ZFP14: variants seen among roughly 807,000 people sequenced by gnomAD.
ZFP14 encodes the protein ZFP14 zinc finger protein, also known as zinc finger protein 14 homolog.
In ZFP14, 22 loss-of-function variants were observed where a neutral mutation model predicts 54.5. The ratio of observed to expected loss-of-function variants is 0.40; its 90% CI spans 0.29 to 0.58. The LOEUF (loss-of-function observed/expected upper bound fraction) is 0.58, where lower values mean the gene tolerates loss of function less well. Among genes scored for constraint, ZFP14 ranks in the 20% least tolerant of loss-of-function variants. The pLI, the probability that ZFP14 is intolerant of heterozygous loss-of-function variation, is 0.39. For synonymous variants in ZFP14, 159 were observed against 204.0 expected (o/e 0.78, Z 1.88); for missense variants, 470 against 637.8 (o/e 0.74, Z 2.83).
chr19:36,354,370 CAAAA>C (rs58651628), intron 4 of ZFP14, among the ~76,000 whole-genome samples: 1 of 99,008 alleles, frequency 1.0e-5, no homozygotes, highest in African/African-American at 3.6e-5. Flanking sequence ...GATTCCATCT[CAAAA>C]AAAAAAAAAA....
chr19:36,349,258 A>AC (rs2031480404), intron 4 of ZFP14, among the ~76,000 whole-genome samples: 1 of 97,274 alleles, frequency 1.0e-5, no homozygotes, highest in Non-Finnish European at 2.1e-5. Flanking sequence ...AAAAAAAAAC[A>AC]AAAAAAAAAA....
rs762600339 is a variant in ZFP14 at position 36,362,143 on chromosome 19, C to T, written c.105G>A (p.Met35Ile). Residue 35 changes from methionine to isoleucine, a missense_variant, in exon 3 of 5, where the codon ATG becomes ATA. By Grantham distance (10) the Met-to-Ile change is conservative. Transcript: ENST00000270001. ...AAATGAAGTTGCTGTAGTTCTCCCA[C>T]ATTACATCCCTATATAAGTCCCTCT... ...PAQRDLYRDV[M>I]WENYSNFISL... The T allele has an allele frequency of 6.2e-7, 1 of 1,609,220 alleles. No homozygotes were observed. The highest frequency in any genetic ancestry group is 1.7e-5 in the Admixed American group (1 of 59,248).
intron 4 of ZFP14, among the ~76,000 whole-genome samples, chr19:36,349,679 A>AT (rs201037590): frequency 1.1e-3 from 134 of 126,852 alleles, no homozygotes; most frequent in Middle Eastern, 4.3e-3. Flanking sequence ...AACAAAAAAA[A>AT]AATATATATA....
rs1490860841 is a variant in ZFP14 at position 36,340,678 on chromosome 19, AGTT to A, written c.1145_1147del (p.Gln382del). On this transcript the variant is annotated inframe_deletion, in exon 5 of 5. Transcript: ENST00000270001. This position sits in a 1 kb window ranked among gnomAD's most constrained non-coding sequence, Gnocchi z 5.4. ...AGTATGTATTCTCTGATGGCGAACTAGTTGTTGTCTTAATCTAAAAGTCTTCCC... is the reference window on the plus strand; with the variant it reads ...AGTATGTATTCTCTGATGGCGAACTAGTTGTCTTAATCTAAAAGTCTTCCC... 5 of 1,613,882 alleles carry A rather than the reference AGTT, an allele frequency of 3.1e-6. No individual in the cohort carries two copies. The highest frequency in any genetic ancestry group is 4.2e-6 in the Non-Finnish European group (5 of 1,179,946).
chr19:36,361,460 G>A (rs959987421), intron 3 of ZFP14, among the ~76,000 whole-genome samples: 13 of 151,140 alleles, frequency 8.6e-5, no homozygotes, highest in African/African-American at 3.2e-4. Flanking sequence ...GGCTGGTCTG[G>A]AGCTCCTGAC....
At chr19:36,347,303 A>T (rs1035043120) in intron 4 of ZFP14, among the ~76,000 whole-genome samples, 24 of 152,170 alleles carry the variant, frequency 1.6e-4, no homozygotes, top group African/African-American at 5.5e-4. Context: ...GCTAATTACT[A>T]ACAAAGTATA....
intron 4 of ZFP14, among the ~76,000 whole-genome samples, chr19:36,357,468 T>C (rs2031634555): frequency 6.6e-6 from 1 of 152,248 alleles, no homozygotes; most frequent in Non-Finnish European, 1.5e-5. Flanking sequence ...AGCTTTTATA[T>C]GTAGGTCTAA....
chr19:36,348,516 A>C (rs2031458460), intron 4 of ZFP14, among the ~76,000 whole-genome samples: 3 of 152,028 alleles, frequency 2.0e-5, no homozygotes, highest in Admixed American at 6.6e-5. Flanking sequence ...GTTTGTTTGG[A>C]GATGAAGTCT....
chr19:36,351,484 G>A (rs2031524534), intron 4 of ZFP14, among the ~76,000 whole-genome samples: 1 of 140,916 alleles, frequency 7.1e-6, no homozygotes, highest in Admixed American at 7.3e-5. Context: ...AGGCAACAGA[G>A]CAAGACTGCA....
At chr19:36,349,028 G>C (rs2031467492) in intron 4 of ZFP14, among the ~76,000 whole-genome samples, 1 of 151,400 alleles carries the variant, frequency 6.6e-6, no homozygotes, top group Admixed American at 6.6e-5. Context: ...AGGAGTTCGA[G>C]ACCAGCCTGG....
intron 4 of ZFP14, among the ~76,000 whole-genome samples, chr19:36,351,303 A>G (rs1172332493): frequency 7.0e-6 from 1 of 142,866 alleles, no homozygotes; most frequent in African/African-American, 2.6e-5. Context: ...GTTCAAGACC[A>G]GCCTGGCCAA....
chr19:36,375,448 C>T (rs2145566180), intron 1 of ZFP14, among the ~76,000 whole-genome samples: 1 of 149,892 alleles, frequency 6.7e-6, no homozygotes, highest in South Asian at 2.1e-4. Flanking sequence ...AGTGCAGTAG[C>T]ACGATCTCGG....
intron 2 of ZFP14, among the ~76,000 whole-genome samples, chr19:36,363,005 A>C (rs1405377567): frequency 6.6e-6 from 1 of 151,992 alleles, no homozygotes; most frequent in Non-Finnish European, 1.5e-5. Context: ...AAATCTCGAA[A>C]GTCTTCCCCA....
In ZFP14 at chr19:36,334,835, A is replaced by T. The variant is rs2031161929; in HGVS notation, c.*5389T>A. On this transcript the variant is annotated 3_prime_UTR_variant, in exon 5 of 5. Transcript: ENST00000270001. ...AAAATGTCTTTACTAAATCTTTGGC[A>T]AACTGATCATGTATACTTTGAATTC... 1 of 152,206 alleles carries T rather than the reference A, an allele frequency of 6.6e-6. No individual in the cohort carries two copies. Among genetic ancestry groups the T allele is most frequent in the Non-Finnish European group, 1.5e-5 (1 of 68,044 alleles). The allele number at this position is 152,206 out of a possible 1,614,324, so 9.4% of individuals were successfully genotyped here. A position where few individuals can be genotyped will look rare whatever the true frequency, so the allele number is the denominator to read the frequency against.
At chr19:36,349,674 A>AAC (rs1434263513) in intron 4 of ZFP14, among the ~76,000 whole-genome samples, 857 of 83,800 alleles carry the variant, frequency 0.01, 8 homozygotes, top group African/African-American at 0.024. Context: ...CTCAAAACAA[A>AAC]AAAAAAATAT....
Sources: allele counts gnomAD v4.1 joint callset (sites outside exome capture counted in the v4.1 genomes callset), GRCh38; gene constraint gnomAD v4.1.1; non-coding constraint Gnocchi (gnomAD v3.1); transcripts MANE v1.5; gene names NCBI Gene and HGNC (gene_info 2026-07-23, HGNC 2026-07-21).